PPP3R1: variants seen among roughly 807,000 people sequenced by gnomAD.
PPP3R1 encodes protein phosphatase 3 regulatory subunit B, alpha.
A neutral mutation model predicts 22.6 loss-of-function variants in PPP3R1; 5 were observed. The ratio of observed to expected loss-of-function variants is 0.22; its 90% CI spans 0.12 to 0.46. PPP3R1 has a LOEUF of 0.46. Ranked by LOEUF, PPP3R1 falls within the 20% of genes least tolerant of loss-of-function variation. The pLI, the probability that PPP3R1 is intolerant of heterozygous loss-of-function variation, is 0.99. For synonymous variants in PPP3R1, 56 were observed against 65.2 expected (o/e 0.86, Z 0.68); for missense variants, 61 against 203.2 (o/e 0.30, Z 4.25).
intron 1 of PPP3R1, among the ~76,000 whole-genome samples, chr2:68,235,321 C>T (rs540621342): frequency 2.6e-5 from 4 of 152,196 alleles, no homozygotes; most frequent in African/African-American, 9.6e-5. Context: ...AAATTTAGAG[C>T]ATATTTATTA....
At chr2:68,248,711 T>C (rs537554679) in intron 1 of PPP3R1, among the ~76,000 whole-genome samples, 3 of 152,330 alleles carry the variant, frequency 2.0e-5, no homozygotes, top group South Asian at 4.1e-4. Context: ...TTCTTCTAGA[T>C]GCCTCCAACT....
rs76777608 is a variant in PPP3R1 at position 68,233,288 on chromosome 2, G to T, written c.4-16157C>A. 5.2e-3 allele frequency among the ~76,000 whole-genome samples: 799 copies of T among 152,266 alleles called. 6 individuals are homozygous for T. Among genetic ancestry groups the T allele is most frequent in the African/African-American group, 0.018 (767 of 41,556 alleles). On this transcript the variant is annotated intron_variant, in intron 1 of 5. Transcript: ENST00000234310. ...TTTACTCTTCAGTTCATGATACAGAGAAAATAATAAATATCTTTGAATTAT... is the reference window on the plus strand; with the variant it reads ...TTTACTCTTCAGTTCATGATACAGATAAAATAATAAATATCTTTGAATTAT...
intron 5 of PPP3R1, 114 bp from the exon 6 acceptor site, chr2:68,181,124 T>C (rs994650602): frequency 2.0e-6 from 2 of 985,010 alleles, no homozygotes; most frequent in African/African-American, 3.2e-5. Flanking sequence ...GCGTGGTGGC[T>C]CACACCTGTA....
In PPP3R1 at chr2:68,189,979, G is replaced by T. The variant is rs942714540; in HGVS notation, c.44-1289C>A. ...ATATGTATTATGGCCCACAACACTA[G>T]AAAAGAGTACAAATACAAGCTGTTT... On this transcript the variant is annotated intron_variant, in intron 2 of 5. Transcript: ENST00000234310. Among the ~76,000 whole-genome samples the T allele has an allele frequency of 2.0e-5, 3 of 151,980 alleles. No homozygotes were observed. In the East Asian group the frequency reaches 5.8e-4, roughly 29 times the overall value.
chr2:68,245,609 C>A (rs1485124564), intron 1 of PPP3R1, among the ~76,000 whole-genome samples: 1 of 152,198 alleles, frequency 6.6e-6, no homozygotes, highest in African/African-American at 2.4e-5. Flanking sequence ...GTTTCTAACT[C>A]TTTTCAACTC....
intron 5 of PPP3R1, among the ~76,000 whole-genome samples, chr2:68,182,407 C>T (rs1393541692): frequency 6.6e-6 from 1 of 152,098 alleles, no homozygotes; most frequent in African/African-American, 2.4e-5. Context: ...TATTTACCTC[C>T]AGGTCTCTTA....
At chr2:68,206,981 T>TATAC (rs1186393985) in intron 2 of PPP3R1, among the ~76,000 whole-genome samples, 2 of 151,966 alleles carry the variant, frequency 1.3e-5, no homozygotes, top group Non-Finnish European at 2.9e-5. Context: ...ATGACAGGAA[T>TATAC]TAACCTAAAT....
chr2:68,205,611 G>A (rs951170733), intron 2 of PPP3R1, among the ~76,000 whole-genome samples: 1 of 151,942 alleles, frequency 6.6e-6, no homozygotes, highest in African/African-American at 2.4e-5. Flanking sequence ...TTAATTATTT[G>A]GTATCAAATA....
chr2:68,218,786 T>C (rs999548527), intron 1 of PPP3R1, among the ~76,000 whole-genome samples: 2 of 151,988 alleles, frequency 1.3e-5, no homozygotes, highest in African/African-American at 4.8e-5. Flanking sequence ...AAAAAAGTGT[T>C]ATGTGGTGGT....
At chr2:68,238,782 T>C (rs1255480395) in intron 1 of PPP3R1, among the ~76,000 whole-genome samples, 2 of 152,154 alleles carry the variant, frequency 1.3e-5, no homozygotes, top group Non-Finnish European at 2.9e-5. Context: ...CAGATTCAAG[T>C]GGCATTTGGG....
rs117784178 is a variant in PPP3R1 at position 68,215,058 on chromosome 2, C to G, written c.43+2034G>C. 1.1e-3 allele frequency among the ~76,000 whole-genome samples: 164 copies of G among 152,174 alleles called. 4 individuals carry two copies. In the East Asian group the frequency reaches 0.027, roughly 25 times the overall value. On this transcript the variant is annotated intron_variant, in intron 2 of 5. Coordinates refer to ENST00000234310, the MANE Select transcript of PPP3R1 (RefSeq NM_000945.4). ...GAAAACCAAATACTGCATGTTCTCACTTGTAAGTGGGATCTAAACAACAAG... is the reference window on the plus strand; with the variant it reads ...GAAAACCAAATACTGCATGTTCTCAGTTGTAAGTGGGATCTAAACAACAAG...
chr2:68,246,044 T>C (rs1244974104), intron 1 of PPP3R1, among the ~76,000 whole-genome samples: 1 of 150,720 alleles, frequency 6.6e-6, no homozygotes, highest in Non-Finnish European at 1.5e-5. Flanking sequence ...TTTTTACCCT[T>C]TTTACTGACT....
chr2:68,250,639 T>C (rs975639301), intron 1 of PPP3R1, among the ~76,000 whole-genome samples: 4 of 152,344 alleles, frequency 2.6e-5, no homozygotes, highest in Non-Finnish European at 2.9e-5. Flanking sequence ...TCTTCCTAAA[T>C]TGTTTTGTGA....
chr2:68,243,765 T>C (rs867998710), intron 1 of PPP3R1, among the ~76,000 whole-genome samples: 14 of 152,246 alleles, frequency 9.2e-5, no homozygotes, highest in African/African-American at 2.4e-4. Context: ...CATTAAAACT[T>C]TGGACTAAAA....
intron 1 of PPP3R1, among the ~76,000 whole-genome samples, chr2:68,244,526 G>C (rs1670196642): frequency 6.6e-6 from 1 of 152,050 alleles, no homozygotes; most frequent in African/African-American, 2.4e-5. Context: ...TGTTGCCATG[G>C]CCTATTTCTC....
At chr2:68,245,981 T>A (rs1267846403) in intron 1 of PPP3R1, among the ~76,000 whole-genome samples, 1 of 152,114 alleles carries the variant, frequency 6.6e-6, no homozygotes, top group Non-Finnish European at 1.5e-5. Flanking sequence ...GACATTAAGT[T>A]GTCAATAATC....
chr2:68,243,875 T>C (rs2103812219), intron 1 of PPP3R1, among the ~76,000 whole-genome samples: 1 of 151,620 alleles, frequency 6.6e-6, no homozygotes, highest in Admixed American at 6.6e-5. Context: ...AACTAAATTA[T>C]AATAAAATCC....
rs112861794 is a variant in PPP3R1, at chr2:68,195,711, C to A, written c.44-7021G>T. Reference sequence around the variant, plus strand: ...CTGTAAAAAAAATACAAAACCAAAACCAGTGCCTTCTCCACCATTTATTTA... The same window carrying A: ...CTGTAAAAAAAATACAAAACCAAAAACAGTGCCTTCTCCACCATTTATTTA... On this transcript the variant is annotated intron_variant, in intron 2 of 5. Transcript: ENST00000234310. 6.3e-3 allele frequency among the ~76,000 whole-genome samples: 954 copies of A among 152,198 alleles called. 9 individuals carry two copies. The highest frequency in any genetic ancestry group is 0.021 in the African/African-American group (886 of 41,532).
At chr2:68,242,923 T>A (rs1416579151) in intron 1 of PPP3R1, among the ~76,000 whole-genome samples, 1 of 152,214 alleles carries the variant, frequency 6.6e-6, no homozygotes, top group Non-Finnish European at 1.5e-5. Context: ...GGTTTTAAAA[T>A]GCATACCTAA....
Sources: allele counts gnomAD v4.1 joint callset (sites outside exome capture counted in the v4.1 genomes callset), GRCh38; gene constraint gnomAD v4.1.1; transcripts MANE v1.5; gene names NCBI Gene and HGNC (gene_info 2026-07-23, HGNC 2026-07-21).